ADAM10: variants seen among roughly 807,000 people sequenced by gnomAD.
ADAM10 encodes the protein ADAM metallopeptidase domain 10, also known as disintegrin and metalloproteinase domain-containing protein 10.
ADAM10 carries 17 observed loss-of-function variants against 90.1 expected under a neutral mutation model. The observed-to-expected ratio is 0.19, with a 90% CI of 0.13 to 0.28. The LOEUF (loss-of-function observed/expected upper bound fraction) is 0.28. Among genes scored for constraint, ADAM10 ranks in the 10% least tolerant of loss-of-function variants. The probability of loss-of-function intolerance (pLI) is 1.00; values close to 1 mark genes in which losing one functional copy is unlikely to be tolerated. For missense variants in ADAM10, 610 were observed against 914.3 expected (o/e 0.67, Z 4.29); for synonymous variants, 310 against 298.6 (o/e 1.04, Z -0.40).
intron 8 of ADAM10, among the ~76,000 whole-genome samples, chr15:58,638,631 A>G (rs1015519859): frequency 1.8e-4 from 27 of 150,916 alleles, no homozygotes; most frequent in Non-Finnish European, 2.8e-4. Flanking sequence ...AAAAAAAAAA[A>G]AAAAGAAAAT....
chr15:58,641,179 A>ATTAAAATTGAAGATG (rs1566977151), intron 7 of ADAM10, among the ~76,000 whole-genome samples: 1 of 152,236 alleles, frequency 6.6e-6, no homozygotes, highest in Non-Finnish European at 1.5e-5. Context: ...AGGTAGGGAA[A>ATTAAAATTGAAGATG]TTAAAATTGA....
chr15:58,730,811 G>C (rs892316622), intron 1 of ADAM10, among the ~76,000 whole-genome samples: 3 of 151,888 alleles, frequency 2.0e-5, no homozygotes, highest in South Asian at 2.1e-4. Context: ...TAAAGGCCAG[G>C]AAAAAAACAA....
At chr15:58,636,911 TGA>T (rs1431696514) in intron 8 of ADAM10, among the ~76,000 whole-genome samples, 15 of 152,190 alleles carry the variant, frequency 9.9e-5, no homozygotes, top group Non-Finnish European at 2.2e-4. Context: ...CCAGGAAATG[TGA>T]GAGCACAGGC....
intron 1 of ADAM10, among the ~76,000 whole-genome samples, chr15:58,744,731 C>CA (rs1899730250): frequency 2.0e-5 from 3 of 152,166 alleles, no homozygotes; most frequent in Admixed American, 2.0e-4. Context: ...CAAAACTGGC[C>CA]AGGCACAGTG....
At chr15:58,724,549 G>A (rs543150124) in intron 1 of ADAM10, among the ~76,000 whole-genome samples, 1 of 152,220 alleles carries the variant, frequency 6.6e-6, no homozygotes, top group East Asian at 1.9e-4. Context: ...GAAACCAAGA[G>A]CCTGAAGTTT....
chr15:58,664,202 T>C (rs542343671), intron 5 of ADAM10, among the ~76,000 whole-genome samples: 16 of 152,180 alleles, frequency 1.1e-4, no homozygotes, highest in African/African-American at 3.9e-4. Flanking sequence ...CTTCAAATAC[T>C]TATAAGGCTA....
At chr15:58,622,127 G>GT (rs1399582767) in intron 10 of ADAM10, among the ~76,000 whole-genome samples, 1 of 151,848 alleles carries the variant, frequency 6.6e-6, no homozygotes, top group Non-Finnish European at 1.5e-5. Context: ...TACTCCCACA[G>GT]TTTTTTTCTG....
Position 58,594,110 on chromosome 15 carries a change from TAGTGACTTCTCTAAAG to T in ADAM10, c.*3421_*3436del, listed in dbSNP as rs1256602533. The T allele has an allele frequency of 3.9e-5, 6 of 152,220 alleles. No homozygotes were observed. The East Asian group carries it at 9.6e-4, about 24-fold the overall frequency. The allele number at this position is 152,220 out of a possible 1,614,324, so 9.4% of individuals were successfully genotyped here. A position where few individuals can be genotyped will look rare whatever the true frequency, so the allele number is the denominator to read the frequency against. On this transcript the variant is annotated 3_prime_UTR_variant, in exon 16 of 16. Transcript: ENST00000260408. ...GGGAAACTAAAATTTCTTACAACTT[TAGTGACTTCTCTAAAG>T]ATGAACTGTCCCTGGCAGCTGCTTT...
intron 14 of ADAM10, chr15:58,609,445 C>CA (rs1895372299): frequency 1.3e-5 from 2 of 151,924 alleles, no homozygotes; most frequent in South Asian, 2.1e-4. Flanking sequence ...TAGAAGAGTA[C>CA]AAAAAAGGCT....
intron 9 of ADAM10, among the ~76,000 whole-genome samples, chr15:58,632,288 T>G (rs1437661083): frequency 6.6e-6 from 1 of 152,204 alleles, no homozygotes; most frequent in African/African-American, 2.4e-5. Flanking sequence ...CACATTGTAG[T>G]TGTATTAGAA....
intron 1 of ADAM10, among the ~76,000 whole-genome samples, chr15:58,721,478 T>C (rs1158007754): frequency 6.6e-6 from 1 of 152,226 alleles, no homozygotes; most frequent in East Asian, 1.9e-4. Flanking sequence ...AATTACATAA[T>C]TTCTATTCCC....
intron 2 of ADAM10, among the ~76,000 whole-genome samples, chr15:58,686,017 C>T (rs564947510): frequency 6.6e-6 from 1 of 152,198 alleles, no homozygotes; most frequent in East Asian, 1.9e-4. Context: ...CAACTGCTTT[C>T]AGACAATAGA....
Position 58,594,003 on chromosome 15 carries a change from TGA to T in ADAM10, c.*3542_*3543del, listed in dbSNP as rs1221085522. The T allele has an allele frequency of 6.6e-6, 1 of 152,126 alleles. No homozygotes were observed. The highest frequency in any genetic ancestry group is 1.5e-5 in the Non-Finnish European group (1 of 68,004). 9.4% of individuals were successfully genotyped at this position (152,126 alleles called of 1,614,324 possible). Reference sequence around the variant, plus strand: ...GTTGTTTTTAATCAAGAACACAACATGAGAGATGCTGAAACTGAAGTTGTCCT... The same window carrying T: ...GTTGTTTTTAATCAAGAACACAACATGAGATGCTGAAACTGAAGTTGTCCT... On this transcript the variant is annotated 3_prime_UTR_variant, in exon 16 of 16. Transcript: ENST00000260408.
chr15:58,730,293 C>G (rs1482840898), intron 1 of ADAM10, among the ~76,000 whole-genome samples: 1 of 152,212 alleles, frequency 6.6e-6, no homozygotes, highest in East Asian at 1.9e-4. Context: ...TTCCAAATAA[C>G]GTAGAAGAAG....
intron 11 of ADAM10, among the ~76,000 whole-genome samples, chr15:58,619,816 A>C (rs1895727109): frequency 6.6e-6 from 1 of 151,990 alleles, no homozygotes; most frequent in Non-Finnish European, 1.5e-5. Context: ...AGGCAAGAGA[A>C]TGGCGTGAAC....
chr15:58,714,105 T>C (rs1898570584), intron 2 of ADAM10, among the ~76,000 whole-genome samples: 1 of 152,060 alleles, frequency 6.6e-6, no homozygotes, highest in South Asian at 2.1e-4. Flanking sequence ...CACCTGGCCA[T>C]AGAATTCTTA....
intron 2 of ADAM10, among the ~76,000 whole-genome samples, chr15:58,713,852 C>T (rs1444657746): frequency 4.0e-5 from 6 of 150,076 alleles, no homozygotes; most frequent in African/African-American, 1.5e-4. Context: ...CTTGCTCTGT[C>T]GCCAGGCTGG....
intron 1 of ADAM10, among the ~76,000 whole-genome samples, chr15:58,740,230 T>G (rs571659506): frequency 2.6e-5 from 4 of 152,156 alleles, no homozygotes; most frequent in African/African-American, 9.6e-5. Flanking sequence ...GCCAACATGG[T>G]GAAACCCCGT....
chr15:58,665,096 C>T lies in ADAM10; in HGVS notation c.585+1G>A. 6.3e-7 allele frequency: 1 copy of T among 1,599,206 alleles called. No homozygotes were observed. The highest frequency in any genetic ancestry group is 8.6e-7 in the Non-Finnish European group (1 of 1,166,706). On this transcript the variant is annotated splice_donor_variant, in intron 5 of 15. Transcript: ENST00000260408. LOFTEE classifies it high-confidence loss of function. ...ATGCAAGCTAGTGTTAAAATCCTTA[C>T]CTGTGTTACTTCCTCTACACCAGTC...
Sources: allele counts gnomAD v4.1 joint callset (sites outside exome capture counted in the v4.1 genomes callset), GRCh38; gene constraint gnomAD v4.1.1; transcripts MANE v1.5; gene names NCBI Gene and HGNC (gene_info 2026-07-23, HGNC 2026-07-21).